PLSCR2: variants seen among roughly 807,000 people sequenced by gnomAD.
The protein encoded by PLSCR2 is phospholipid scramblase 2, also known as PL scramblase 2.
Under a neutral mutation model 25.3 loss-of-function variants are expected in PLSCR2, and 18 were observed. That is an observed-to-expected ratio of 0.71 (90% CI 0.49 to 1.06). The LOEUF is 1.06. Ranked by LOEUF, PLSCR2 falls within the 50% of genes least tolerant of loss-of-function variation. PLSCR2 has a pLI of 0.00. For synonymous variants in PLSCR2, 88 were observed against 87.3 expected (o/e 1.01, Z -0.04); for missense variants, 243 against 269.5 (o/e 0.90, Z 0.69).
chr3:146,406,311 G>T (rs530534796), intron 2 of PLSCR2, among the ~76,000 whole-genome samples: 113 of 152,168 alleles, frequency 7.4e-4, no homozygotes, highest in Non-Finnish European at 1.2e-3. Context: ...CCTTTTTTCT[G>T]CACCTTTGGA....
intron 3 of PLSCR2, among the ~76,000 whole-genome samples, chr3:146,391,862 C>T (rs538719974): frequency 6.6e-6 from 1 of 152,098 alleles, no homozygotes; most frequent in African/African-American, 2.4e-5. Flanking sequence ...TTTACATACT[C>T]ATTTTAGAAA....
At position 146,486,382 on chromosome 3, in the gene PLSCR2, C is replaced by CTGGT. The variant is rs34135074; in HGVS notation, c.-293+9512_-293+9513insACCA. Among the ~76,000 whole-genome samples the CTGGT allele has an allele frequency of 7.6e-5, 11 of 144,868 alleles. 1 individual carries two copies. The highest frequency in any genetic ancestry group is 2.8e-4 in the African/African-American group (11 of 39,770). Reference sequence around the variant, plus strand: ...CAAAAAAAATCAATGAATCCAGGAGCTTTTTTTTTTTGAAAATATTAATAA... The same window carrying CTGGT: ...CAAAAAAAATCAATGAATCCAGGAGCTGGTTTTTTTTTTTTGAAAATATTAATAA... On this transcript the variant is annotated intron_variant, in intron 1 of 8. Transcript: ENST00000336685.
intron 2 of PLSCR2, among the ~76,000 whole-genome samples, chr3:146,405,329 C>T (rs372771262): frequency 3.9e-5 from 6 of 152,028 alleles, no homozygotes; most frequent in African/African-American, 7.2e-5. Flanking sequence ...TTGGGAATTG[C>T]GGATATAGCT....
At chr3:146,438,710 G>C (rs1192218075), downstream of PLSCR2, among the ~76,000 whole-genome samples, 1 of 152,002 alleles carries the variant, frequency 6.6e-6, no homozygotes, top group Non-Finnish European at 1.5e-5. Flanking sequence ...CACACTGATG[G>C]GTCTTGACTC....
chr3:146,451,207 C>T (rs2040875481), intron 5 of PLSCR2, among the ~76,000 whole-genome samples: 1 of 150,028 alleles, frequency 6.7e-6, no homozygotes, highest in Admixed American at 6.7e-5. Flanking sequence ...CTCCTGTTCC[C>T]GGGTTCAAGG....
rs369293136 is a variant in PLSCR2, at chr3:146,456,521, T to C, written c.101-1062A>G. Among the ~76,000 whole-genome samples the C allele has an allele frequency of 6.6e-5, 10 of 152,370 alleles. No individual in the cohort carries two copies. The East Asian group carries it at 1.7e-3, about 26-fold the overall frequency. On this transcript the variant is annotated intron_variant, in intron 3 of 6. Transcript: ENST00000610787. ...TGTGGTCATCTATTATCCAACTAAT[T>C]GTTTAATTATGTAACTTACTTGCGA...
intron 1 of PLSCR2, among the ~76,000 whole-genome samples, chr3:146,482,896 TA>T (rs1295648067): frequency 1.3e-5 from 2 of 152,084 alleles, no homozygotes; most frequent in Non-Finnish European, 2.9e-5. Flanking sequence ...TATGCAGCCA[TA>T]AAAAATGATG....
At chr3:146,459,699 G>C in intron 2 of PLSCR2, 149 bp downstream of exon 2, 1 of 596,956 alleles carries the variant, frequency 1.7e-6, no homozygotes, top group Non-Finnish European at 2.9e-6. Flanking sequence ...CTAGTGATTT[G>C]TTAACAGAAT....
At chr3:146,475,378 C>A (rs529345829) in intron 1 of PLSCR2, among the ~76,000 whole-genome samples, 1 of 152,132 alleles carries the variant, frequency 6.6e-6, no homozygotes, top group East Asian at 1.9e-4. Flanking sequence ...TTGTTGTTGT[C>A]AGGTTCCTTT....
intron 1 of PLSCR2, among the ~76,000 whole-genome samples, chr3:146,471,829 G>A (rs1217929002): frequency 6.6e-6 from 1 of 152,204 alleles, no homozygotes; most frequent in East Asian, 1.9e-4. Flanking sequence ...CTCCCAAAGT[G>A]CTGGGATTGC....
chr3:146,482,487 A>T (rs1484631900), intron 1 of PLSCR2, among the ~76,000 whole-genome samples: 1 of 152,230 alleles, frequency 6.6e-6, no homozygotes, highest in Non-Finnish European at 1.5e-5. Context: ...GCTCATCATC[A>T]CTGGTCATCA....
At chr3:146,450,494 T>C (rs1346070226) in intron 5 of PLSCR2, among the ~76,000 whole-genome samples, 1 of 152,254 alleles carries the variant, frequency 6.6e-6, no homozygotes, top group Non-Finnish European at 1.5e-5. Flanking sequence ...TTCCTATTTC[T>C]TCATAATTAG....
intron 2 of PLSCR2, among the ~76,000 whole-genome samples, chr3:146,422,905 G>C (rs2039196966): frequency 6.6e-6 from 1 of 152,000 alleles, no homozygotes; most frequent in South Asian, 2.1e-4. Context: ...ATAGGTTTGT[G>C]ATCTGTGAAA....
At chr3:146,420,908 T>C (rs1277502597) in intron 2 of PLSCR2, among the ~76,000 whole-genome samples, 1 of 152,042 alleles carries the variant, frequency 6.6e-6, no homozygotes, top group African/African-American at 2.4e-5. Context: ...TGTGGGACCT[T>C]ATAGATTATT....
intron 5 of PLSCR2, among the ~76,000 whole-genome samples, chr3:146,449,628 A>AT (rs2040779513): frequency 6.7e-6 from 1 of 149,730 alleles, no homozygotes; most frequent in Non-Finnish European, 1.5e-5. Flanking sequence ...TAAGATAGAC[A>AT]TTAATATATG....
At chr3:146,456,354 A>G (rs561582769) in intron 3 of PLSCR2, among the ~76,000 whole-genome samples, 181 of 152,306 alleles carry the variant, frequency 1.2e-3, no homozygotes, top group African/African-American at 4.1e-3. Flanking sequence ...TCCTATTACC[A>G]TAAACTTCCT....
intron 1 of PLSCR2, among the ~76,000 whole-genome samples, chr3:146,495,190 T>A (rs1039810328): frequency 6.6e-6 from 1 of 152,144 alleles, no homozygotes; most frequent in Non-Finnish European, 1.5e-5. Context: ...GGAGGCTTTG[T>A]TACACTCCAA....
chr3:146,410,870 C>G (rs1179844109), intron 2 of PLSCR2, among the ~76,000 whole-genome samples: 1 of 152,164 alleles, frequency 6.6e-6, no homozygotes. Flanking sequence ...GACTTGGGCT[C>G]CTCTTAGCAT....
chr3:146,456,503 A>G (rs545725818), intron 3 of PLSCR2, among the ~76,000 whole-genome samples: 26 of 152,358 alleles, frequency 1.7e-4, no homozygotes, highest in Admixed American at 9.1e-4. Flanking sequence ...CTCTGTGGTC[A>G]TCTATTATCC....
Sources: allele counts gnomAD v4.1 joint callset (sites outside exome capture counted in the v4.1 genomes callset), GRCh38; gene constraint gnomAD v4.1.1; transcripts MANE v1.5; gene names NCBI Gene and HGNC (gene_info 2026-07-23, HGNC 2026-07-21).